C7orf78: variants seen among roughly 807,000 people sequenced by gnomAD.
The protein encoded by C7orf78 is putative uncharacterized protein C7orf78.
chr7:12,496,399 TAAAGA>T, the C7orf78 span: 1 of 152,204 alleles, frequency 6.6e-6, no homozygotes, highest in African/African-American at 2.4e-5. Context: ...ATGAGAGCAT[TAAAGA>T]AAATTCCAGA....
chr7:12,529,156 T>C, the C7orf78 span: 3 of 396,020 alleles, frequency 7.6e-6, no homozygotes, highest in Admixed American at 8.8e-5. Context: ...ATTTCTGTCT[T>C]TAAAAATAAA....
chr7:12,523,238 A>AAAAT, the C7orf78 span: 1 of 398,312 alleles, frequency 2.5e-6, no homozygotes. Flanking sequence ...AAGGAGGAAA[A>AAAAT]AAATCAGTTT....
At chr7:12,516,384 A>G in the C7orf78 span, among the ~76,000 whole-genome samples, 1 of 152,226 alleles carries the variant, frequency 6.6e-6, no homozygotes, top group Non-Finnish European at 1.5e-5. Flanking sequence ...AAATGCATGA[A>G]TGCCCAAGCA....
the C7orf78 span, among the ~76,000 whole-genome samples, chr7:12,485,985 G>C: frequency 1.7e-4 from 26 of 152,194 alleles, no homozygotes; most frequent in African/African-American, 6.3e-4. Flanking sequence ...GTGAGACATA[G>C]CTCATGAAAA....
At chr7:12,519,716 T>C in the C7orf78 span, among the ~76,000 whole-genome samples, 6 of 152,188 alleles carry the variant, frequency 3.9e-5, no homozygotes, top group East Asian at 3.9e-4. Flanking sequence ...CCATTTTTTT[T>C]CCCCAGGGAG....
the C7orf78 span, among the ~76,000 whole-genome samples, chr7:12,535,598 A>G: frequency 6.6e-6 from 1 of 152,180 alleles, no homozygotes. Flanking sequence ...TCTTCCCAAC[A>G]GTCACCCTAA....
the C7orf78 span, among the ~76,000 whole-genome samples, chr7:12,500,380 A>T: frequency 6.6e-6 from 1 of 150,882 alleles, no homozygotes; most frequent in East Asian, 2.0e-4. Flanking sequence ...AGACGCAATA[A>T]AAAATGATAA....
chr7:12,525,265 T>C, the C7orf78 span, among the ~76,000 whole-genome samples: 1 of 152,142 alleles, frequency 6.6e-6, no homozygotes, highest in East Asian at 1.9e-4. Flanking sequence ...AGTGTACAAA[T>C]TCTATTTCAG....
chr7:12,504,480 G>A, the C7orf78 span: 2 of 152,004 alleles, frequency 1.3e-5, no homozygotes, highest in Admixed American at 1.3e-4. Flanking sequence ...GTCTCTCTTG[G>A]CTTTACAGAA....
At chr7:12,528,317 G>A in the C7orf78 span, among the ~76,000 whole-genome samples, 1 of 150,420 alleles carries the variant, frequency 6.6e-6, no homozygotes, top group South Asian at 2.2e-4. Context: ...ACTCACTTTG[G>A]TAGAAAATGC....
the C7orf78 span, among the ~76,000 whole-genome samples, chr7:12,518,427 A>G: frequency 1.3e-5 from 2 of 152,136 alleles, no homozygotes; most frequent in Non-Finnish European, 2.9e-5. Context: ...TGCAGACAGC[A>G]TGGTGTGGGC....
At chr7:12,508,606 G>T in the C7orf78 span, among the ~76,000 whole-genome samples, 1 of 152,020 alleles carries the variant, frequency 6.6e-6, no homozygotes, top group East Asian at 1.9e-4. Flanking sequence ...ACTAAATCAG[G>T]GTGAAACCAA....
the C7orf78 span, among the ~76,000 whole-genome samples, chr7:12,497,696 A>C: frequency 1.3e-5 from 2 of 152,058 alleles, no homozygotes; most frequent in Non-Finnish European, 2.9e-5. Context: ...TAGGTAAACA[A>C]AGCAGCTGGG....
chr7:12,498,573 A>G, the C7orf78 span, among the ~76,000 whole-genome samples: 1 of 152,166 alleles, frequency 6.6e-6, no homozygotes, highest in Non-Finnish European at 1.5e-5. Flanking sequence ...TCCAAGAAAT[A>G]TGGGACTATG....
the C7orf78 span, among the ~76,000 whole-genome samples, chr7:12,521,637 GT>G: frequency 8.9e-6 from 1 of 112,400 alleles, no homozygotes; most frequent in Non-Finnish European, 1.8e-5. Context: ...GCTATGTTGG[GT>G]TTGGGCTTTT....
At chr7:12,496,526 T>C in the C7orf78 span, 3 of 152,222 alleles carry the variant, frequency 2.0e-5, no homozygotes, top group Non-Finnish European at 4.4e-5. Context: ...CTAAGAAATC[T>C]TTGGAGACAT....
the C7orf78 span, among the ~76,000 whole-genome samples, chr7:12,512,541 C>G: frequency 2.0e-5 from 3 of 152,126 alleles, no homozygotes; most frequent in African/African-American, 7.2e-5. Context: ...ATAAATCACA[C>G]CTTATCATGG....
chr7:12,493,143 C>G, the C7orf78 span, among the ~76,000 whole-genome samples: 2 of 152,142 alleles, frequency 1.3e-5, no homozygotes, highest in Admixed American at 6.6e-5. Context: ...TTGGAGTGAG[C>G]CGAGATTGTG....
At chr7:12,508,144 T>A in the C7orf78 span, among the ~76,000 whole-genome samples, 1 of 152,210 alleles carries the variant, frequency 6.6e-6, no homozygotes, top group Non-Finnish European at 1.5e-5. Context: ...AAAACTCTTG[T>A]TAATTTTTGA....
Sources: gnomAD v4.1 joint callset for allele counts (sites outside exome capture counted in the v4.1 genomes callset) on GRCh38, gnomAD v4.1.1 for gene constraint, MANE v1.5 for transcripts, NCBI Gene and HGNC (gene_info 2026-07-23, HGNC 2026-07-21) for gene names.